The following GPC5 variants were observed in gnomAD, a reference collection of about 807,000 sequenced individuals.
The protein encoded by GPC5 is glypican 5, also known as glypican-5.
Under a neutral mutation model 53.9 loss-of-function variants are expected in GPC5, and 47 were observed. The observed-to-expected ratio is 0.87, with a 90% confidence interval of 0.69 to 1.11. GPC5 has a LOEUF of 1.11. Among genes scored for constraint, GPC5 ranks in the 50% most tolerant of loss-of-function variants. The pLI, the probability that GPC5 is intolerant of heterozygous loss-of-function variation, is 0.00. For synonymous variants in GPC5, 286 were observed against 263.3 expected (o/e 1.09, Z -0.84); for missense variants, 748 against 713.1 (o/e 1.05, Z -0.56).
intron 7 of GPC5, among the ~76,000 whole-genome samples, chr13:92,852,219 A>G (rs952216968): frequency 5.3e-5 from 8 of 152,080 alleles, no homozygotes; most frequent in Non-Finnish European, 4.4e-5. Context: ...TAAAGAAAAC[A>G]CTCACAAAGA....
At chr13:92,262,991 G>A (rs568609214) in intron 7 of GPC5, among the ~76,000 whole-genome samples, 4 of 152,008 alleles carry the variant, frequency 2.6e-5, no homozygotes, top group Admixed American at 6.6e-5. Context: ...AGCACGGACC[G>A]AATATTTTAT....
intron 7 of GPC5, among the ~76,000 whole-genome samples, chr13:92,390,042 A>C (rs1874924649): frequency 6.6e-6 from 1 of 152,130 alleles, no homozygotes; most frequent in African/African-American, 2.4e-5. Context: ...TTATGACTTC[A>C]TTAGAATTTT....
chr13:92,854,702 A>G (rs1878937565), intron 7 of GPC5, among the ~76,000 whole-genome samples: 1 of 152,014 alleles, frequency 6.6e-6, no homozygotes, highest in South Asian at 2.1e-4. Flanking sequence ...TGGCAAATCC[A>G]AAAGAGGATG....
chr13:92,695,783 T>C (rs543038764), intron 7 of GPC5, among the ~76,000 whole-genome samples: 1 of 152,028 alleles, frequency 6.6e-6, no homozygotes, highest in Admixed American at 6.6e-5. Context: ...ACATGTGCCA[T>C]GGTTGTTTGT....
intron 7 of GPC5, among the ~76,000 whole-genome samples, chr13:92,301,168 G>T (rs150895883): frequency 6.6e-6 from 1 of 152,126 alleles, no homozygotes; most frequent in African/African-American, 2.4e-5. Context: ...TAAAAATATA[G>T]GTTCTTTTAT....
At chr13:91,781,652 C>T (rs987365623) in intron 5 of GPC5, among the ~76,000 whole-genome samples, 8 of 152,162 alleles carry the variant, frequency 5.3e-5, no homozygotes, top group South Asian at 2.1e-4. Context: ...TTTTACCAAC[C>T]GCATGAAATA....
intron 7 of GPC5, chr13:92,658,919 G>GTTTTTTTTTT (rs1358143857): frequency 6.2e-5 from 6 of 96,048 alleles, no homozygotes; most frequent in African/African-American, 2.1e-4. Context: ...AGTTGTATAT[G>GTTTTTTTTTT]TTTTGTTTTT....
At chr13:91,931,955 C>A (rs1487225892) in intron 6 of GPC5, among the ~76,000 whole-genome samples, 1 of 151,962 alleles carries the variant, frequency 6.6e-6, no homozygotes, top group Non-Finnish European at 1.5e-5. Flanking sequence ...TTGTCAGAAG[C>A]TTCACATAAC....
At chr13:91,507,837 A>G (rs1021172052) in intron 2 of GPC5, among the ~76,000 whole-genome samples, 2 of 152,234 alleles carry the variant, frequency 1.3e-5, no homozygotes, top group African/African-American at 4.8e-5. Flanking sequence ...ATTATATCAT[A>G]TATACTTTTT....
chr13:92,339,369 T>G (rs1382682154), intron 7 of GPC5, among the ~76,000 whole-genome samples: 3 of 151,956 alleles, frequency 2.0e-5, no homozygotes, highest in African/African-American at 7.2e-5. Context: ...AGGTTTCCAA[T>G]AAGAATGCCT....
chr13:92,209,848 G>A (rs1020933498), intron 7 of GPC5, among the ~76,000 whole-genome samples: 2 of 152,070 alleles, frequency 1.3e-5, no homozygotes, highest in African/African-American at 2.4e-5. Context: ...ACGATTACAA[G>A]GTGAGGTCCC....
intron 2 of GPC5, among the ~76,000 whole-genome samples, chr13:91,534,528 T>C (rs1886497784): frequency 6.6e-6 from 1 of 152,210 alleles, no homozygotes; most frequent in Non-Finnish European, 1.5e-5. Context: ...GTTGATTTTG[T>C]TGAAAATCAG....
intron 7 of GPC5, among the ~76,000 whole-genome samples, chr13:92,724,616 A>C (rs1235414122): frequency 6.6e-6 from 1 of 151,744 alleles, no homozygotes; most frequent in Non-Finnish European, 1.5e-5. Flanking sequence ...AGCCAGACAC[A>C]GAAGAATAAA....
chr13:92,469,054 T>C (rs1878807958), intron 7 of GPC5, among the ~76,000 whole-genome samples: 1 of 152,166 alleles, frequency 6.6e-6, no homozygotes, highest in African/African-American at 2.4e-5. Context: ...ATTTTTTGTT[T>C]TCCAGTGCTG....
chr13:91,882,538 T>C (rs2138952173), intron 5 of GPC5, among the ~76,000 whole-genome samples: 1 of 152,042 alleles, frequency 6.6e-6, no homozygotes, highest in Non-Finnish European at 1.5e-5. Context: ...TTTTACTTTA[T>C]TAACCTTTAT....
chr13:92,521,530 G>T (rs1055276605), intron 7 of GPC5, among the ~76,000 whole-genome samples: 5 of 152,168 alleles, frequency 3.3e-5, no homozygotes, highest in African/African-American at 9.7e-5. Flanking sequence ...ATGGGGAAAG[G>T]ATTCCCTATT....
intron 6 of GPC5, among the ~76,000 whole-genome samples, chr13:92,062,313 G>T (rs182086498): frequency 6.6e-6 from 1 of 151,962 alleles, no homozygotes. Context: ...TGCTTCCTAA[G>T]AAATACTGTT....
chr13:92,389,603 G>T (rs1412327969), intron 7 of GPC5, among the ~76,000 whole-genome samples: 1 of 152,076 alleles, frequency 6.6e-6, no homozygotes, highest in Non-Finnish European at 1.5e-5. Flanking sequence ...CAAAATGAAA[G>T]CTTGGTGAGG....
At chr13:92,657,579 GTTTTTTTTTTTTTTTT>G (rs67038073) in intron 7 of GPC5, among the ~76,000 whole-genome samples, 1 of 106,730 alleles carries the variant, frequency 9.4e-6, no homozygotes, top group Non-Finnish European at 1.8e-5. Flanking sequence ...AGGTTTTTTG[GTTTTTTTTTTTTTTTT>G]TTTTTTTTTG....
Sources: gnomAD v4.1 joint callset for allele counts (sites outside exome capture counted in the v4.1 genomes callset) on GRCh38, gnomAD v4.1.1 for gene constraint, MANE v1.5 for transcripts, NCBI Gene and HGNC (gene_info 2026-07-23, HGNC 2026-07-21) for gene names.